Variants in PDE4D observed in about 807,000 individuals in gnomAD.
The protein encoded by PDE4D is 3',5'-cyclic-AMP phosphodiesterase 4D.
In PDE4D, 24 loss-of-function variants were observed where a neutral mutation model predicts 87.4. The ratio of observed to expected loss-of-function variants is 0.27; its 90% CI spans 0.20 to 0.39. The LOEUF (loss-of-function observed/expected upper bound fraction) is 0.39, where lower values mean the gene tolerates loss of function less well. Ranked by LOEUF, PDE4D falls within the 10% of genes least tolerant of loss-of-function variation. The pLI is 1.00. For missense variants in PDE4D, 714 were observed against 1,041.0 expected, an observed-to-expected ratio of 0.69 and a Z score of 4.32; for synonymous variants, 384 against 383.2, an observed-to-expected ratio of 1.00 and a Z score of -0.02.
Position 59,995,305 on chromosome 5 carries a change from TTTTC to T in PDE4D, c.43-6592_43-6589del, listed in dbSNP as rs1280576428. On this transcript the variant is annotated intron_variant, in intron 2 of 16. Coordinates refer to the PDE4D transcript ENST00000502484. ...CTATCCTTCAACCATTTCTCTTTTCTTTTCTTTCTTTCTTTCTTTTTTTTTTTTT... is the reference window on the plus strand; with the variant it reads ...CTATCCTTCAACCATTTCTCTTTTCTTTTCTTTCTTTCTTTTTTTTTTTTT... 6.0e-5 allele frequency among the ~76,000 whole-genome samples: 9 copies of T among 148,762 alleles called. No homozygotes were observed. The South Asian group carries it at 1.3e-3, about 22-fold the overall frequency.
chr5:59,264,426 T>C (rs998856039), intron 1 of PDE4D, among the ~76,000 whole-genome samples: 1 of 152,036 alleles, frequency 6.6e-6, no homozygotes, highest in African/African-American at 2.4e-5. Flanking sequence ...TTCATTCCTA[T>C]GTACGTAAAA....
intron 1 of PDE4D, among the ~76,000 whole-genome samples, chr5:60,350,284 A>G (rs1364687769): frequency 6.6e-6 from 1 of 152,198 alleles, no homozygotes; most frequent in Non-Finnish European, 1.5e-5. Context: ...GTCTTCCCAC[A>G]GATGACTCCT....
intron 1 of PDE4D, among the ~76,000 whole-genome samples, chr5:60,281,476 G>C (rs1269932810): frequency 6.6e-6 from 1 of 152,050 alleles, no homozygotes; most frequent in East Asian, 1.9e-4. Flanking sequence ...CTTTATTCCT[G>C]TCTCTCCCCA....
At chr5:59,457,288 A>G (rs1258605519) in intron 1 of PDE4D, among the ~76,000 whole-genome samples, 1 of 152,234 alleles carries the variant, frequency 6.6e-6, no homozygotes, top group African/African-American at 2.4e-5. Flanking sequence ...ACTTCCCACC[A>G]GCAAAAAGAT....
rs369539122 is a variant in PDE4D, at chr5:60,085,924, G to A, written c.43-97207C>T. Among the ~76,000 whole-genome samples, 5 of 152,274 alleles carry A rather than the reference G, an allele frequency of 3.3e-5. No homozygotes were observed. In the South Asian group the frequency reaches 1.0e-3, roughly 32 times the overall value. On this transcript the variant is annotated intron_variant, in intron 2 of 16. Transcript: ENST00000502484. ...AGACTAAGGCACAAAATTCTAAATAGAAGGGACAGATTGCCAATATTAACA... is the reference window on the plus strand; with the variant it reads ...AGACTAAGGCACAAAATTCTAAATAAAAGGGACAGATTGCCAATATTAACA...
chr5:59,707,299 T>G (rs1753568684), intron 1 of PDE4D, among the ~76,000 whole-genome samples: 1 of 152,030 alleles, frequency 6.6e-6, no homozygotes, highest in Non-Finnish European at 1.5e-5. Flanking sequence ...CAACAAACAT[T>G]TATTGAATTA....
intron 1 of PDE4D, among the ~76,000 whole-genome samples, chr5:60,311,312 G>A (rs541519957): frequency 1.5e-4 from 23 of 152,230 alleles, no homozygotes; most frequent in Middle Eastern, 3.4e-3. Flanking sequence ...GTGAGCCACC[G>A]CGCCCGGCTG....
intron 1 of PDE4D, among the ~76,000 whole-genome samples, chr5:60,496,192 T>G (rs1288673673): frequency 6.6e-6 from 1 of 152,202 alleles, no homozygotes; most frequent in African/African-American, 2.4e-5. Flanking sequence ...AAATCTTCTG[T>G]TTGCTTTGCA....
At chr5:59,507,331 CAAACA>C (rs536321342) in intron 1 of PDE4D, among the ~76,000 whole-genome samples, 39 of 151,644 alleles carry the variant, frequency 2.6e-4, no homozygotes, top group Middle Eastern at 3.4e-3. Flanking sequence ...AACTCTTTCT[CAAACA>C]AAACAAAACA....
At chr5:59,731,506 C>T (rs1757354333) in intron 1 of PDE4D, among the ~76,000 whole-genome samples, 1 of 152,116 alleles carries the variant, frequency 6.6e-6, no homozygotes, top group Non-Finnish European at 1.5e-5. Flanking sequence ...GACCAACAAA[C>T]CCTTAGATGA....
At chr5:60,034,428 A>G (rs1767566788) in intron 2 of PDE4D, among the ~76,000 whole-genome samples, 1 of 152,142 alleles carries the variant, frequency 6.6e-6, no homozygotes, top group Admixed American at 6.5e-5. Context: ...TCAGCATTGC[A>G]TGCCTTGGCT....
In PDE4D at chr5:60,314,547, A is replaced by G. The variant is rs555774646; in HGVS notation, c.-89-128860T>C. On this transcript the variant is annotated intron_variant, in intron 1 of 16. Coordinates refer to the PDE4D transcript ENST00000502484. ...CATGTGCACAACATGCAGGTTGGTT[A>G]CATGTGTATACATGTGCCATGTTGG... Among the ~76,000 whole-genome samples, 10 of 152,182 alleles carry G rather than the reference A, an allele frequency of 6.6e-5. 1 individual carries two copies. The South Asian group carries it at 2.1e-3, about 32-fold the overall frequency.
intron 1 of PDE4D, among the ~76,000 whole-genome samples, chr5:59,433,257 T>C (rs1468787569): frequency 1.3e-5 from 2 of 152,132 alleles, no homozygotes; most frequent in Admixed American, 6.6e-5. Context: ...TAGAGACCTA[T>C]GTGTCCTATG....
At chr5:59,343,367 C>T (rs944610769) in intron 1 of PDE4D, among the ~76,000 whole-genome samples, 1 of 152,238 alleles carries the variant, frequency 6.6e-6, no homozygotes, top group East Asian at 1.9e-4. Flanking sequence ...TATTATCTGC[C>T]TCTGTGAGTT....
intron 5 of PDE4D, among the ~76,000 whole-genome samples, chr5:59,173,300 T>C (rs1253855674): frequency 6.6e-6 from 1 of 152,206 alleles, no homozygotes; most frequent in Non-Finnish European, 1.5e-5. Context: ...CGGTGTCAGA[T>C]CTGATCTTTT....
intron 1 of PDE4D, among the ~76,000 whole-genome samples, chr5:60,392,289 C>T (rs576757584): frequency 1.4e-4 from 22 of 152,304 alleles, no homozygotes; most frequent in African/African-American, 5.3e-4. Context: ...ATGTCACACT[C>T]AGTCCAAGTC....
chr5:59,758,094 G>A (rs1240325089), intron 1 of PDE4D, among the ~76,000 whole-genome samples: 1 of 152,172 alleles, frequency 6.6e-6, no homozygotes, highest in East Asian at 1.9e-4. Flanking sequence ...TTAGCCCAAA[G>A]GAAGGTAATG....
intron 1 of PDE4D, among the ~76,000 whole-genome samples, chr5:60,270,634 A>C (rs890848291): frequency 6.6e-6 from 1 of 152,182 alleles, no homozygotes; most frequent in African/African-American, 2.4e-5. Context: ...AACATATAAA[A>C]CACCACCAGG....
chr5:59,033,483 C>A (rs570024658), intron 6 of PDE4D, among the ~76,000 whole-genome samples: 8 of 152,272 alleles, frequency 5.3e-5, no homozygotes, highest in Non-Finnish European at 2.9e-5. Context: ...AAGAGTTGGT[C>A]CCTCCTGCTG....
Sources: gnomAD v4.1 joint callset for allele counts (sites outside exome capture counted in the v4.1 genomes callset) on GRCh38, gnomAD v4.1.1 for gene constraint, MANE v1.5 for transcripts, NCBI Gene and HGNC (gene_info 2026-07-23, HGNC 2026-07-21) for gene names.